The following SART3 variants were observed in gnomAD, a reference collection of about 807,000 sequenced individuals.
The protein encoded by SART3 is spliceosome associated factor 3, U4/U6 recycling protein, also known as HIV-1 Tat-interacting protein of 110kDa.
SART3 carries 44 observed loss-of-function variants against 122.3 expected under a neutral mutation model. The ratio of observed to expected loss-of-function variants is 0.36; its 90% confidence interval spans 0.28 to 0.46. The LOEUF (loss-of-function observed/expected upper bound fraction) is 0.46. SART3 is among the 20% of genes least tolerant of loss of function. The pLI is 1.00. For missense variants in SART3, 1,101 were observed against 1,229.0 expected, an observed-to-expected ratio of 0.90 and a Z score of 1.56; for synonymous variants, 442 against 454.0, an observed-to-expected ratio of 0.97 and a Z score of 0.34.
At chr12:108,543,912 C>T (rs1873283851) in intron 5 of SART3, among the ~76,000 whole-genome samples, 1 of 152,130 alleles carries the variant, frequency 6.6e-6, no homozygotes, top group African/African-American at 2.4e-5. Context: ...AATGTATTTA[C>T]CAAATAAGGA....
intron 11 of SART3, 131 bp from the exon 12 acceptor site, chr12:108,535,599 T>TC (rs1872869848): frequency 2.6e-6 from 2 of 778,704 alleles, no homozygotes; most frequent in Admixed American, 3.6e-5. Context: ...CCCTGGGCAT[T>TC]CCCCAGGCCT....
intron 1 of SART3, among the ~76,000 whole-genome samples, chr12:108,549,808 G>A (rs932059922): frequency 2.6e-5 from 4 of 152,002 alleles, no homozygotes; most frequent in Admixed American, 2.0e-4. Context: ...TTGAGCTCAG[G>A]AGTTCGAGAC....
intron 9 of SART3, 55 bp downstream of exon 9, chr12:108,537,431 CAA>C (rs1209120887): frequency 2.2e-6 from 3 of 1,393,294 alleles, no homozygotes; most frequent in Non-Finnish European, 3.1e-6. Flanking sequence ...GACATCTCGC[CAA>C]AAGTTGTATT....
At chr12:108,560,469 G>C in intron 1 of SART3, 1 of 372,772 alleles carries the variant, frequency 2.7e-6, no homozygotes, top group Non-Finnish European at 4.8e-6. Flanking sequence ...TCTTGCGAAT[G>C]AGTTTATTTC....
intron 15 of SART3, among the ~76,000 whole-genome samples, 154 bp downstream of exon 15, chr12:108,529,988 G>A (rs1268788286): frequency 2.6e-5 from 4 of 152,154 alleles, no homozygotes; most frequent in African/African-American, 9.7e-5. Context: ...TGTAGAAGAG[G>A]GCCCCTTGTT....
chr12:108,530,335 T>C, intron 14 of SART3, 25 bp from the exon 15 acceptor site: 1 of 1,613,028 alleles, frequency 6.2e-7, no homozygotes, highest in Non-Finnish European at 8.5e-7. Flanking sequence ...AGATGATGCA[T>C]CGCTGGATGT....
chr12:108,545,503 C>T (rs1873364038), intron 3 of SART3, among the ~76,000 whole-genome samples, 180 bp from the exon 4 acceptor site: 1 of 152,104 alleles, frequency 6.6e-6, no homozygotes, highest in South Asian at 2.1e-4. Flanking sequence ...CTGGGGAAGA[C>T]CATAGATCCT....
chr12:108,553,996 C>CAAG, intron 1 of SART3: 1 of 152,372 alleles, frequency 6.6e-6, no homozygotes, highest in South Asian at 2.1e-4. Flanking sequence ...TCGTGTAACT[C>CAAG]AAACATTCCA....
At chr12:108,531,538 C>T (rs1009373539) in intron 13 of SART3, 14 of 421,264 alleles carry the variant, frequency 3.3e-5, no homozygotes, top group East Asian at 3.1e-4. Flanking sequence ...AATATGAAAA[C>T]GAACGTTCTA....
At chr12:108,545,988 A>C (rs1873398885) in intron 3 of SART3, among the ~76,000 whole-genome samples, 2 of 147,504 alleles carry the variant, frequency 1.4e-5, no homozygotes, top group Admixed American at 6.8e-5. Context: ...AAAAAAACAC[A>C]CATATAATAT....
intron 15 of SART3, among the ~76,000 whole-genome samples, chr12:108,527,170 G>C (rs748801297): frequency 6.6e-6 from 1 of 152,146 alleles, no homozygotes; most frequent in African/African-American, 2.4e-5. Flanking sequence ...CCAATGCAAC[G>C]TAAGCCCTGC....
intron 1 of SART3, chr12:108,560,276 GT>G (rs2046447043): frequency 6.4e-6 from 1 of 155,752 alleles, no homozygotes; most frequent in African/African-American, 2.4e-5. Flanking sequence ...AGATAAGGAA[GT>G]CGAGAGGGTG....
chr12:108,541,356 C>T (rs1873149147), intron 6 of SART3, among the ~76,000 whole-genome samples: 1 of 151,678 alleles, frequency 6.6e-6, no homozygotes, highest in African/African-American at 2.4e-5. Context: ...TGCAGTGAGC[C>T]GAGATCACGC....
At chr12:108,540,634 T>C (rs1281512902) in intron 6 of SART3, among the ~76,000 whole-genome samples, 2 of 95,156 alleles carry the variant, frequency 2.1e-5, no homozygotes, top group African/African-American at 7.3e-5. Context: ...GATGGAAGCA[T>C]TGAAGGCAAA....
chr12:108,544,954 A>G (rs1410745457), intron 4 of SART3, 185 bp downstream of exon 4: 22 of 707,974 alleles, frequency 3.1e-5, no homozygotes, highest in Non-Finnish European at 5.3e-5. Context: ...TACATATTGT[A>G]CCAAATGCTA....
intron 1 of SART3, among the ~76,000 whole-genome samples, chr12:108,554,484 G>T (rs2030134997): frequency 6.6e-6 from 1 of 151,804 alleles, no homozygotes; most frequent in Admixed American, 6.6e-5. Flanking sequence ...TCCACCATCA[G>T]ATTTGAGGGA....
chr12:108,540,734 T>A (rs905197286), intron 6 of SART3, among the ~76,000 whole-genome samples: 5 of 149,180 alleles, frequency 3.4e-5, no homozygotes, highest in African/African-American at 9.8e-5. Flanking sequence ...CTCTCATCAT[T>A]ACAACAGTGT....
At position 108,545,224 on chromosome 12, in the gene SART3, G is replaced by A. The variant is rs746320206; in HGVS notation, c.644C>T (p.Ser215Leu). Residue 215 changes from serine (S) to leucine (L), a missense_variant, in exon 4 of 19, where the codon TCG (serine) becomes TTG (leucine). By Grantham distance (145) the Ser-to-Leu change is moderately radical (BLOSUM62 -2). Around this residue, in one of 2 missense-constraint regions of SART3, gnomAD observed 885 missense variants for 1,080.1 expected, o/e 0.82. Coordinates refer to ENST00000546815, the MANE Select transcript of SART3 (RefSeq NM_014706.4). ...TTTGGTCATATGTAAACCAACAGAC[G>A]AGAGAGCCCTTTCAAACACGGAGCG... Reference protein sequence around the residue: ...KVRSVFERALSSVGLHMTKGL... With the variant: ...KVRSVFERALLSVGLHMTKGL... The A allele has an allele frequency of 1.1e-5, 17 of 1,613,966 alleles. No homozygotes were observed. The highest frequency in any genetic ancestry group is 6.6e-5 in the South Asian group (6 of 91,074).
intron 1 of SART3, 47 bp from the exon 2 acceptor site, chr12:108,549,261 T>G: frequency 1.9e-6 from 3 of 1,604,684 alleles, no homozygotes; most frequent in Non-Finnish European, 2.6e-6. Context: ...CGTCATCAAG[T>G]AACTTAGCTT....
Sources: allele counts gnomAD v4.1 joint callset (sites outside exome capture counted in the v4.1 genomes callset), GRCh38; gene constraint gnomAD v4.1.1; regional missense constraint gnomAD v4.1.1; transcripts MANE v1.5; gene names NCBI Gene and HGNC (gene_info 2026-07-23, HGNC 2026-07-21).